The following PDE6C variants were observed in gnomAD, a reference collection of about 807,000 sequenced individuals.
PDE6C encodes the protein cone cGMP-specific 3',5'-cyclic phosphodiesterase subunit alpha'.
Under a neutral mutation model 113.1 loss-of-function variants are expected in PDE6C, and 75 were observed. That is an observed-to-expected ratio of 0.66 (90% CI 0.55 to 0.80). The LOEUF (loss-of-function observed/expected upper bound fraction) is 0.80, where lower values mean the gene tolerates loss of function less well. Ranked by LOEUF, PDE6C falls within the 30% of genes least tolerant of loss-of-function variation. The pLI, the probability that PDE6C is intolerant of heterozygous loss-of-function variation, is 0.00. For synonymous variants in PDE6C, 375 were observed against 363.7 expected (o/e 1.03, Z -0.35); for missense variants, 912 against 1,038.6 (o/e 0.88, Z 1.67).
chr10:93,665,795 G>C lies in PDE6C; in HGVS notation c.*377G>C, dbSNP rs988707579. ...TATTTTCTCAAAGTCCTGGGGGCTG[G>C]AAGTTCAAGATCAAGGAGTTGGCAG... On this transcript the variant is annotated 3_prime_UTR_variant, in exon 22 of 22. Coordinates refer to ENST00000371447, the MANE Select transcript of PDE6C (RefSeq NM_006204.4). The C allele has an allele frequency of 3.8e-6, 1 of 265,444 alleles. No individual in the cohort carries two copies. Among genetic ancestry groups the C allele is most frequent in the Non-Finnish European group, 7.3e-6 (1 of 137,098 alleles). The allele number at this position is 265,444 out of a possible 1,614,324, so 16.4% of individuals were successfully genotyped here. A position where few individuals can be genotyped will look rare whatever the true frequency, so the allele number is the denominator to read the frequency against.
chr10:93,634,762 G>A lies in PDE6C; in HGVS notation c.1124G>A (p.Gly375Glu). 1.2e-6 allele frequency: 2 copies of A among 1,614,032 alleles called. No individual in the cohort carries two copies. Among genetic ancestry groups the A allele is most frequent in the Non-Finnish European group, 1.7e-6 (2 of 1,179,974 alleles). Residue 375 changes from glycine to glutamate, a missense_variant, in exon 9 of 22, where the codon GGA becomes GAA. Physicochemically the swap from Gly to Glu is moderately conservative, Grantham distance 98. Transcript: ENST00000371447. ...GAGGTCCCTTCTCGTTTGTAGAAAG[G>A]ACCTGTAGACGAAACTGGTTGGGTC... is the stretch of plus-strand genomic sequence containing the variant. ...PADEYFTFQK[G>E]PVDETGWVIK... is the part of the protein sequence containing the mutation.
chr10:93,664,769 G>A (rs1027376032), intron 21 of PDE6C, among the ~76,000 whole-genome samples: 1 of 152,176 alleles, frequency 6.6e-6, no homozygotes, highest in Non-Finnish European at 1.5e-5. Flanking sequence ...CAGGCATGGA[G>A]CTTTGTGCAT....
Position 93,640,540 on chromosome 10 carries a change from A to G in PDE6C, c.1720A>G (p.Met574Val). 6.2e-7 allele frequency: 1 copy of G among 1,612,326 alleles called. No individual in the cohort carries two copies. The highest frequency in any genetic ancestry group is 8.5e-7 in the Non-Finnish European group (1 of 1,178,392). The change falls in exon 13 of 22, where the codon ATG (methionine) becomes GTG (valine). Residue 574 changes from methionine (M) to valine (V), a missense_variant. Met to Val is a conservative substitution (Grantham distance 21). Coordinates refer to ENST00000371447, the MANE Select transcript of PDE6C (RefSeq NM_006204.4). ...GCATGGGTTCAACGTGGGGCAGACC[A>G]TGTTTACTTTGCTGATGGTAGGTAC... The part of the protein sequence containing the change: ...WRHGFNVGQT[M>V]FTLLMTGRLK...
intron 1 of PDE6C, among the ~76,000 whole-genome samples, chr10:93,615,024 G>T (rs146943894): frequency 6.6e-6 from 1 of 152,216 alleles, no homozygotes; most frequent in African/African-American, 2.4e-5. Flanking sequence ...GTGTGCAGTG[G>T]CTCACGCCTG....
At chr10:93,664,443 T>A (rs953075221) in intron 21 of PDE6C, among the ~76,000 whole-genome samples, 3 of 152,220 alleles carry the variant, frequency 2.0e-5, no homozygotes, top group Non-Finnish European at 4.4e-5. Context: ...AAGCTGGTAG[T>A]GCAGGTAGCT....
chr10:93,654,814 T>C (rs7907905), intron 15 of PDE6C, among the ~76,000 whole-genome samples: 38 of 95,334 alleles, frequency 4.0e-4, no homozygotes, highest in Admixed American at 8.4e-4. Flanking sequence ...TTCTTTCTTT[T>C]TTTTTTTTTT....
chr10:93,622,641 TTTTTTTTTGTTTTTTTTTTTGTTG>T (rs1389928508), intron 4 of PDE6C, among the ~76,000 whole-genome samples: 7 of 7,470 alleles, frequency 9.4e-4, no homozygotes, highest in East Asian at 0.045. Flanking sequence ...AGCCACAGGT[TTTTTTTTTGTTTTTTTTTTTGTTG>T]TTTTTTTTTT....
chr10:93,664,420 C>T (rs943827045), intron 21 of PDE6C, among the ~76,000 whole-genome samples: 15 of 152,214 alleles, frequency 9.9e-5, no homozygotes, highest in Middle Eastern at 3.4e-3. Flanking sequence ...GTAAAGAGTG[C>T]GAAGTACATA....
In PDE6C at chr10:93,636,368, TTGTG is replaced by T. The variant is rs56143950; in HGVS notation, c.1414-591_1414-588del. On this transcript the variant is annotated intron_variant, in intron 10 of 21. Coordinates refer to ENST00000371447, the MANE Select transcript of PDE6C (RefSeq NM_006204.4). ...CTCTATTTCTTTTATTTCCCTGGCT[TTGTG>T]TGTGTGTGTGTGTGTGTGTGTGTGT... 1.6e-3 allele frequency among the ~76,000 whole-genome samples: 232 copies of T among 141,356 alleles called. 1 individual carries two copies. The highest frequency in any genetic ancestry group is 5.0e-3 in the African/African-American group (183 of 36,860). The allele number at this position is 141,356 out of a possible 152,430, so 92.7% of individuals were successfully genotyped here.
rs764534931 is a variant in PDE6C, at chr10:93,634,926, T to C, written c.1269+19T>C. The C allele has an allele frequency of 1.1e-5, 18 of 1,613,276 alleles. No individual in the cohort carries two copies. The African/African-American group carries it at 2.3e-4, about 20-fold the overall frequency. ...TACCGAGGCAAGTGCAATAATAAGA[T>C]AATGGAAGTCAATGCAATTCACAAA... On this transcript the variant is annotated intron_variant, in intron 9 of 21. Transcript: ENST00000371447.
At chr10:93,649,205 C>T (rs77529279) in intron 15 of PDE6C, among the ~76,000 whole-genome samples, 5,610 of 152,218 alleles carry the variant, frequency 0.037, 132 homozygotes, top group Middle Eastern at 0.088. Context: ...AGTCAGGGCC[C>T]GTGGCCAGAG....
Position 93,625,616 on chromosome 10 carries a change from G to C in PDE6C, c.906G>C (p.Glu302Asp). ...GGCCAATCAAGCTTGGAGAAGTAGAGCCTTATAAAGGTCCAAAGACACCTG... is the reference window on the plus strand; with the variant it reads ...GGCCAATCAAGCTTGGAGAAGTAGACCCTTATAAAGGTCCAAAGACACCTG... ...DEWPIKLGEV[E>D]PYKGPKTPDG... The change falls in exon 5 of 22, where the codon GAG (glutamate) becomes GAC (aspartate). Residue 302 changes from glutamate to aspartate, a missense_variant. Physicochemically the swap from Glu to Asp is conservative, Grantham distance 45 (BLOSUM62 2). Transcript: ENST00000371447. 2 of 1,613,788 alleles carry C rather than the reference G, an allele frequency of 1.2e-6. No homozygotes were observed. The highest frequency in any genetic ancestry group is 8.5e-7 in the Non-Finnish European group (1 of 1,179,690).
At chr10:93,662,682 T>G in intron 20 of PDE6C, 39 bp downstream of exon 20, 1 of 970,920 alleles carries the variant, frequency 1.0e-6, no homozygotes, top group Non-Finnish European at 1.7e-6. Context: ...ACATAAACAT[T>G]TGGATGAGAA....
chr10:93,647,192 G>C (rs1027117432), intron 15 of PDE6C, among the ~76,000 whole-genome samples: 1 of 152,134 alleles, frequency 6.6e-6, no homozygotes, highest in Non-Finnish European at 1.5e-5. Flanking sequence ...AATGATTAAG[G>C]TGAGTCATTA....
chr10:93,623,217 T>G (rs369022449), intron 4 of PDE6C, among the ~76,000 whole-genome samples: 27 of 152,334 alleles, frequency 1.8e-4, no homozygotes, highest in African/African-American at 4.6e-4. Flanking sequence ...CAATGACATA[T>G]GATGTTGAGC....
chr10:93,636,374 G>C (rs1215180608), intron 10 of PDE6C, among the ~76,000 whole-genome samples: 1 of 141,498 alleles, frequency 7.1e-6, no homozygotes, highest in Non-Finnish European at 1.5e-5. Context: ...GGCTTTGTGT[G>C]TGTGTGTGTG....
intron 20 of PDE6C, among the ~76,000 whole-genome samples, 177 bp from the exon 21 acceptor site, chr10:93,662,851 T>TA (rs1054825727): frequency 6.6e-6 from 1 of 152,118 alleles, no homozygotes; most frequent in Non-Finnish European, 1.5e-5. Flanking sequence ...AACACTTCCT[T>TA]AGGCAGGCAG....
At chr10:93,636,794 G>T (rs567092385) in intron 10 of PDE6C, among the ~76,000 whole-genome samples, 2 of 152,196 alleles carry the variant, frequency 1.3e-5, no homozygotes, top group South Asian at 2.1e-4. Context: ...TAGAGATGGG[G>T]TCTCACTCTC....
intron 1 of PDE6C, among the ~76,000 whole-genome samples, chr10:93,614,470 G>T (rs1265474441): frequency 6.6e-6 from 1 of 152,190 alleles, no homozygotes; most frequent in East Asian, 1.9e-4. Flanking sequence ...GCTGCTTCAA[G>T]TGTCTAAATG....
Sources: gnomAD v4.1 joint callset for allele counts (sites outside exome capture counted in the v4.1 genomes callset) on GRCh38, gnomAD v4.1.1 for gene constraint, MANE v1.5 for transcripts, NCBI Gene and HGNC (gene_info 2026-07-23, HGNC 2026-07-21) for gene names.